Variants in CFAP65 observed in about 807,000 individuals in gnomAD.
CFAP65 encodes the protein cilia- and flagella-associated protein 65.
In CFAP65, 155 loss-of-function variants were observed where a neutral mutation model predicts 208.0. The observed-to-expected ratio is 0.75, with a 90% CI of 0.65 to 0.85. The LOEUF (loss-of-function observed/expected upper bound fraction) is 0.85. Ranked by LOEUF, CFAP65 falls within the 40% of genes least tolerant of loss-of-function variation. The pLI, the probability that CFAP65 is intolerant of heterozygous loss-of-function variation, is 0.00. For synonymous variants in CFAP65, 970 were observed against 986.3 expected, an observed-to-expected ratio of 0.98 and a Z score of 0.31; for missense variants, 2,294 against 2,451.3, an observed-to-expected ratio of 0.94 and a Z score of 1.36.
At position 219,006,526 on chromosome 2, in the gene CFAP65, A is replaced by T. The variant is rs749504384; in HGVS notation, c.4675-17T>A. ...TGTTCTCTTCTGTGGAAAAAGAGAG[A>T]TCCTTGCTTAAGATACAAGAGGCCC... On this transcript the variant is annotated splice_polypyrimidine_tract_variant and intron_variant, in intron 29 of 34. Coordinates refer to ENST00000341552, the MANE Select transcript of CFAP65 (RefSeq NM_194302.4). 6.2e-7 allele frequency: 1 copy of T among 1,612,780 alleles called. No individual in the cohort carries two copies. Among genetic ancestry groups the T allele is most frequent in the Admixed American group, 1.7e-5 (1 of 60,000 alleles).
rs1224138005 is a variant in CFAP65 at position 219,003,089 on chromosome 2, G to A, written c.5693+46C>T. ...CGGGCAGAGCCTGGCTGCCCCCGTG[G>A]CCCCTCTCGCGCGGTCTGCGCGGCC... On this transcript the variant is annotated intron_variant, in intron 34 of 34. Transcript: ENST00000341552. This position sits in a 1 kb window ranked among gnomAD's most constrained non-coding sequence, Gnocchi z 4.4. 1 of 1,546,214 alleles carries A rather than the reference G, an allele frequency of 6.5e-7. No individual in the cohort carries two copies. Among genetic ancestry groups the A allele is most frequent in the East Asian group, 2.5e-5 (1 of 40,746 alleles).
intron 11 of CFAP65, among the ~76,000 whole-genome samples, chr2:219,028,828 A>G (rs140639402): frequency 1.2e-3 from 186 of 152,188 alleles, no homozygotes; most frequent in African/African-American, 4.3e-3. Flanking sequence ...CTAAACTGTC[A>G]CAAGAATTAG....
chr2:219,031,809 A>C lies in CFAP65; in HGVS notation c.646-151T>G. 1 of 859,062 alleles carries C rather than the reference A, an allele frequency of 1.2e-6. No homozygotes were observed. The highest frequency in any genetic ancestry group is 1.8e-5 in the South Asian group (1 of 54,916). The allele number at this position is 859,062 out of a possible 1,614,324, so 53.2% of individuals were successfully genotyped here. A position where few individuals can be genotyped will look rare whatever the true frequency, so the allele number is the denominator to read the frequency against. ...AGACTCTGAGGGGAGCTGGGCACCT[A>C]TGTTGTCTTGGTCTCAAACATTAGA... is the stretch of plus-strand genomic sequence containing the variant. On this transcript the variant is annotated intron_variant, in intron 6 of 34. Coordinates refer to ENST00000341552, the MANE Select transcript of CFAP65 (RefSeq NM_194302.4). The surrounding 1 kb of genome is among the most constrained non-coding windows in gnomAD (Gnocchi z 5.2).
Position 219,021,998 on chromosome 2 carries a change from C to T in CFAP65, c.2980-68G>A, listed in dbSNP as rs1947295098. ...GGCCCACAGCCCCACTCTCCCAGCC[C>T]CATTTTCAGAGCATCCCCCAAGGAA... is the stretch of plus-strand genomic sequence containing the variant. On this transcript the variant is annotated intron_variant, in intron 17 of 34. Transcript: ENST00000341552. The T allele has an allele frequency of 4.4e-6, 7 of 1,591,238 alleles. 1 individual carries two copies. Among genetic ancestry groups the T allele is most frequent in the Non-Finnish European group, 6.0e-6 (7 of 1,166,858 alleles).
chr2:219,028,812 C>A (rs1047527267), intron 11 of CFAP65, among the ~76,000 whole-genome samples: 2 of 152,322 alleles, frequency 1.3e-5, no homozygotes, highest in African/African-American at 4.8e-5. Context: ...CCTCCCCCAG[C>A]CCATACTAAA....
At chr2:219,037,005 T>G (rs1037705894) in intron 4 of CFAP65, among the ~76,000 whole-genome samples, 1 of 152,172 alleles carries the variant, frequency 6.6e-6, no homozygotes, top group Non-Finnish European at 1.5e-5. Context: ...AAAGGTGACA[T>G]GCATGATGGG....
In CFAP65 at chr2:219,031,051, G is replaced by A. The variant is rs529478836; in HGVS notation, c.1015+55C>T. 13 of 1,528,762 alleles carry A rather than the reference G, an allele frequency of 8.5e-6. No individual in the cohort carries two copies. The African/African-American group carries it at 1.5e-4, about 18-fold the overall frequency. The allele number at this position is 1,528,762 out of a possible 1,614,324, so 94.7% of individuals were successfully genotyped here. A position where few individuals can be genotyped will look rare whatever the true frequency, so the allele number is the denominator to read the frequency against. On this transcript the variant is annotated intron_variant, in intron 8 of 34. Coordinates refer to ENST00000341552, the MANE Select transcript of CFAP65 (RefSeq NM_194302.4). The surrounding 1 kb of genome is among the most constrained non-coding windows in gnomAD (Gnocchi z 5.2). ...AGGTGGGGGACACTGAGGCCTGGAG[G>A]ACCCAGAAGGTGCAGGAGGGGCCAG...
intron 24 of CFAP65, 127 bp downstream of exon 24, chr2:219,013,132 C>T (rs149635578): frequency 4.3e-6 from 3 of 703,092 alleles, no homozygotes; most frequent in African/African-American, 3.5e-5. Flanking sequence ...GGGGGTTCAA[C>T]CTGCTGGCCC....
At chr2:219,035,013 C>T (rs946231655) in intron 5 of CFAP65, 12 of 268,058 alleles carry the variant, frequency 4.5e-5, no homozygotes, top group Admixed American at 3.5e-4. Context: ...ACTCCTGCGT[C>T]TATTCCCCAG....
chr2:219,019,697 C>T lies in CFAP65; in HGVS notation c.3282G>A (p.Gln1094=), dbSNP rs1161319008. ...SHRDNKAGEK[Q]ELCCVSLVAV... is the part of the protein sequence containing the mutation. ...CCACCAGGGAGACGCAGCACAGCTC[C>T]TGCTTCTCCCCAGCCTTGTTATCTG... The change falls in exon 20 of 35, where the codon CAG becomes CAA. Residue 1094 remains glutamine (Q), a synonymous_variant. Coordinates refer to ENST00000341552, the MANE Select transcript of CFAP65 (RefSeq NM_194302.4). 1 of 1,613,380 alleles carries T rather than the reference C, an allele frequency of 6.2e-7. No individual in the cohort carries two copies. The highest frequency in any genetic ancestry group is 2.2e-5 in the East Asian group (1 of 44,876).
At chr2:219,027,362 G>A (rs1947696869) in intron 13 of CFAP65, 1 of 1,454,854 alleles carries the variant, frequency 6.9e-7, no homozygotes, top group South Asian at 1.5e-5. Context: ...AGGAGCCCCA[G>A]GGAGTATCTC....
chr2:219,013,407 C>T (rs1342957116), intron 23 of CFAP65, 38 bp from the exon 24 acceptor site: 2 of 1,556,850 alleles, frequency 1.3e-6, no homozygotes, highest in Non-Finnish European at 1.8e-6. Context: ...CTGACACAGC[C>T]AGTGGAGATC....
Position 219,031,024 on chromosome 2 carries a change from G to T in CFAP65, c.1015+82C>A. 1 of 1,478,850 alleles carries T rather than the reference G, an allele frequency of 6.8e-7. No individual in the cohort carries two copies. The allele number at this position is 1,478,850 out of a possible 1,614,324, so 91.6% of individuals were successfully genotyped here. On this transcript the variant is annotated intron_variant, in intron 8 of 34. Transcript: ENST00000341552. This position sits in a 1 kb window ranked among gnomAD's most constrained non-coding sequence, Gnocchi z 5.2. ...GTGGAGGCGGGGGCCAGGCCAGATG[G>T]GAGGTGGGGGACACTGAGGCCTGGA...
At position 219,027,987 on chromosome 2, in the gene CFAP65, G is replaced by A. The variant is rs755913152; in HGVS notation, c.1874C>T (p.Pro625Leu). 64 of 1,518,694 alleles carry A rather than the reference G, an allele frequency of 4.2e-5. No individual in the cohort carries two copies. Among genetic ancestry groups the A allele is most frequent in the Non-Finnish European group, 4.9e-5 (56 of 1,135,352 alleles). 94.1% of individuals were successfully genotyped at this position (1,518,694 alleles called of 1,614,324 possible). A position where few individuals can be genotyped will look rare whatever the true frequency, so the allele number is the denominator to read the frequency against. The stretch of plus-strand genomic sequence containing the variant: ...CATGGGGGGGATATAAGGGTACTGC[G>A]GGGCCGGCATGTCCTCCAGATCCTG... ...PIQDLEDMPA[P>L]QYPYIPPMTE... Residue 625 changes from proline to leucine, a missense_variant, in exon 13 of 35, where the codon CCG becomes CTG. By Grantham distance (98) the Pro-to-Leu change is moderately conservative. Transcript: ENST00000341552.
At position 219,029,500 on chromosome 2, in the gene CFAP65, G is replaced by T; in HGVS notation, c.1553C>A (p.Thr518Lys). Residue 518 changes from threonine (T) to lysine (K), a missense_variant, in exon 11 of 35, where the codon ACG becomes AAG. Thr to Lys is a moderately conservative substitution (Grantham distance 78). Coordinates refer to ENST00000341552, the MANE Select transcript of CFAP65 (RefSeq NM_194302.4). ...GGTCATACGGGCCTTGCCCACCAGC[G>T]TCCCAAAGGCAGGCCTGATGGTAAA... ...SVFTIRPAFG[T>K]LVGKARMTLH... The T allele has an allele frequency of 1.9e-6, 3 of 1,614,076 alleles. No homozygotes were observed. Among genetic ancestry groups the T allele is most frequent in the Non-Finnish European group, 2.5e-6 (3 of 1,180,012 alleles).
intron 29 of CFAP65, among the ~76,000 whole-genome samples, chr2:219,008,411 T>A (rs866106402): frequency 6.6e-6 from 1 of 152,286 alleles, no homozygotes; most frequent in South Asian, 2.1e-4. Flanking sequence ...GCAATCTGTC[T>A]CCAGAGCCTG....
chr2:219,005,328 G>C (rs1945888012), intron 32 of CFAP65, 106 bp downstream of exon 32: 1 of 1,475,024 alleles, frequency 6.8e-7, no homozygotes, highest in Non-Finnish European at 9.4e-7. Flanking sequence ...GCCCCACCAA[G>C]TTCTATTTCT....
Position 219,003,109 on chromosome 2 carries a change from G to T in CFAP65, c.5693+26C>A. On this transcript the variant is annotated intron_variant, in intron 34 of 34. Transcript: ENST00000341552. The surrounding 1 kb of genome is among the most constrained non-coding windows in gnomAD (Gnocchi z 4.4). ...CCGTGGCCCCTCTCGCGCGGTCTGC[G>T]CGGCCGCTGGTCCCGGCGCCCTTAC... 6.5e-7 allele frequency: 1 copy of T among 1,542,878 alleles called. No homozygotes were observed. Among genetic ancestry groups the T allele is most frequent in the Non-Finnish European group, 8.8e-7 (1 of 1,141,512 alleles).
chr2:219,032,411 G>T lies in CFAP65; in HGVS notation c.645+59C>A, dbSNP rs2106242552. ...TCCTGGTTGCTCTGTCCTGTTTTCT[G>T]TTCTGAGGTCACTGCTCCCAGGTAC... On this transcript the variant is annotated intron_variant, in intron 6 of 34. Transcript: ENST00000341552. This position sits in a 1 kb window ranked among gnomAD's most constrained non-coding sequence, Gnocchi z 5.5. 1.4e-6 allele frequency: 2 copies of T among 1,465,970 alleles called. No individual in the cohort carries two copies. The highest frequency in any genetic ancestry group is 1.9e-6 in the Non-Finnish European group (2 of 1,076,492). The allele number at this position is 1,465,970 out of a possible 1,614,324, so 90.8% of individuals were successfully genotyped here. A position where few individuals can be genotyped will look rare whatever the true frequency, so the allele number is the denominator to read the frequency against.
Sources: allele counts gnomAD v4.1 joint callset (sites outside exome capture counted in the v4.1 genomes callset), GRCh38; gene constraint gnomAD v4.1.1; non-coding constraint Gnocchi (gnomAD v3.1); transcripts MANE v1.5; gene names NCBI Gene and HGNC (gene_info 2026-07-23, HGNC 2026-07-21).